NHEJ1: variants seen among roughly 807,000 people sequenced by gnomAD.
NHEJ1 encodes non-homologous end-joining factor 1.
Under a neutral mutation model 39.4 loss-of-function variants are expected in NHEJ1, and 22 were observed. The ratio of observed to expected loss-of-function variants is 0.56; its 90% CI spans 0.40 to 0.80. The LOEUF (loss-of-function observed/expected upper bound fraction) is 0.80. NHEJ1 is among the 30% of genes least tolerant of loss of function. The pLI, the probability that NHEJ1 is intolerant of heterozygous loss-of-function variation, is 0.00. For missense variants in NHEJ1, 329 were observed against 357.1 expected (o/e 0.92, Z 0.63); for synonymous variants, 154 against 135.6 (o/e 1.14, Z -0.94).
chr2:219,114,493 A>G (rs1949392954), intron 5 of NHEJ1, among the ~76,000 whole-genome samples: 1 of 152,204 alleles, frequency 6.6e-6, no homozygotes, highest in African/African-American at 2.4e-5. Context: ...GCACTCCAAC[A>G]TTGAAGATGA....
In NHEJ1 at chr2:219,157,498, G is replaced by A. The variant is rs1214185662; in HGVS notation, c.364C>T (p.His122Tyr). Reference sequence around the variant, plus strand: ...AGGGAAGGACTAGCTAGCATGCAGTGGAAATTCCAATAGAAGGGGAGGCCA... The same window carrying A: ...AGGGAAGGACTAGCTAGCATGCAGTAGAAATTCCAATAGAAGGGGAGGCCA... ...LSGLPFYWNF[H>Y]CMLASPSLVS... Residue 122 changes from histidine (H) to tyrosine (Y), a missense_variant, in exon 3 of 8, where the codon CAC becomes TAC. His to Tyr is a moderately conservative substitution (Grantham distance 83). Transcript: ENST00000356853. The A allele has an allele frequency of 1.2e-6, 2 of 1,613,974 alleles. No individual in the cohort carries two copies. Among genetic ancestry groups the A allele is most frequent in the Non-Finnish European group, 1.7e-6 (2 of 1,180,014 alleles).
At chr2:219,092,280 T>C in intron 5 of NHEJ1, among the ~76,000 whole-genome samples, 1 of 148,280 alleles carries the variant, frequency 6.7e-6, no homozygotes, top group Non-Finnish European at 1.5e-5. Flanking sequence ...AGTGACAGAG[T>C]GAGACACTGC....
intron 5 of NHEJ1, among the ~76,000 whole-genome samples, chr2:219,132,148 T>C (rs1949584815): frequency 6.6e-6 from 1 of 152,270 alleles, no homozygotes; most frequent in African/African-American, 2.4e-5. Flanking sequence ...TATAATTTCC[T>C]TCATTGAGCT....
chr2:219,076,652 G>A (rs541368318), intron 7 of NHEJ1, among the ~76,000 whole-genome samples, 197 bp from the exon 8 acceptor site: 15 of 137,878 alleles, frequency 1.1e-4, no homozygotes, highest in South Asian at 5.1e-4. Flanking sequence ...CGAGCAATCC[G>A]CCTGTCTCAG....
At chr2:219,081,256 T>C (rs774233327) in intron 5 of NHEJ1, among the ~76,000 whole-genome samples, 5 of 152,062 alleles carry the variant, frequency 3.3e-5, no homozygotes, top group African/African-American at 4.8e-5. Flanking sequence ...AGGCAGGAGC[T>C]TGGGAAAGAG....
chr2:219,115,743 G>A (rs1341555027), intron 5 of NHEJ1, among the ~76,000 whole-genome samples: 3 of 152,156 alleles, frequency 2.0e-5, no homozygotes, highest in Non-Finnish European at 4.4e-5. Context: ...ACTCATGTGG[G>A]CTGTCTCCGC....
intron 5 of NHEJ1, among the ~76,000 whole-genome samples, chr2:219,080,628 A>AAT (rs1186944473): frequency 1.4e-5 from 2 of 142,422 alleles, no homozygotes; most frequent in Non-Finnish European, 3.0e-5. Context: ...TATATATGCT[A>AAT]ATATATATAA....
intron 3 of NHEJ1, among the ~76,000 whole-genome samples, chr2:219,152,338 G>T (rs1949804147): frequency 6.6e-6 from 1 of 152,146 alleles, no homozygotes. Flanking sequence ...CAGAATGATA[G>T]GTCTCAATCT....
chr2:219,147,903 T>A, intron 3 of NHEJ1, 108 bp from the exon 4 acceptor site: 1 of 1,158,778 alleles, frequency 8.6e-7, no homozygotes, highest in South Asian at 1.3e-5. Flanking sequence ...TTACAGAAAC[T>A]TATAGTTTCA....
intron 5 of NHEJ1, among the ~76,000 whole-genome samples, chr2:219,091,770 G>C (rs907857111): frequency 6.6e-6 from 1 of 152,108 alleles, no homozygotes. Context: ...TGTTGAAAAA[G>C]CTTCTTTAAA....
At chr2:219,093,029 G>A (rs1949175381) in intron 5 of NHEJ1, among the ~76,000 whole-genome samples, 1 of 152,178 alleles carries the variant, frequency 6.6e-6, no homozygotes, top group African/African-American at 2.4e-5. Context: ...AAACAAAAGT[G>A]CTCACTGAAA....
In NHEJ1 at chr2:219,073,529, C is replaced by T. The variant is rs1448216260; in HGVS notation, c.*2852G>A. 1.3e-5 allele frequency among the ~76,000 whole-genome samples: 2 copies of T among 152,314 alleles called. No individual in the cohort carries two copies. Among genetic ancestry groups the T allele is most frequent in the East Asian group, 3.9e-4 (2 of 5,170 alleles). ...CAAGCAGGGAGCATGCCTGTCCTAG[C>T]TAACTATGGGGGACCAGCCGGCAAG... On this transcript the variant is annotated 3_prime_UTR_variant, in exon 8 of 8. Coordinates refer to ENST00000356853, the MANE Select transcript of NHEJ1 (RefSeq NM_024782.3).
intron 3 of NHEJ1, among the ~76,000 whole-genome samples, chr2:219,156,743 G>A (rs1949858653): frequency 6.6e-6 from 1 of 152,210 alleles, no homozygotes; most frequent in Non-Finnish European, 1.5e-5. Flanking sequence ...AGGATTAAAT[G>A]ATGAGATAAT....
Position 219,159,521 on chromosome 2 carries a change from A to T in NHEJ1, c.1-1159T>A, listed in dbSNP as rs1257094970. On this transcript the variant is annotated intron_variant, in intron 1 of 7. Transcript: ENST00000356853. ...TGACTTGTGACATAACTTTATATAT[A>T]TATGCATATATATATGCATATATAT... is the stretch of plus-strand genomic sequence containing the variant. 4.2e-4 allele frequency among the ~76,000 whole-genome samples: 10 copies of T among 23,990 alleles called. No individual in the cohort carries two copies. The Admixed American group carries it at 4.5e-3, about 11-fold the overall frequency. The allele number at this position is 23,990 out of a possible 152,430, so 15.7% of individuals were successfully genotyped here. A position where few individuals can be genotyped will look rare whatever the true frequency, so the allele number is the denominator to read the frequency against.
intron 5 of NHEJ1, among the ~76,000 whole-genome samples, chr2:219,101,758 G>A (rs1230110166): frequency 1.4e-5 from 2 of 141,342 alleles, no homozygotes; most frequent in African/African-American, 2.7e-5. Flanking sequence ...TTGCTCTGTC[G>A]CCAGGCTGGC....
In NHEJ1 at chr2:219,158,343, C is replaced by A; in HGVS notation, c.20G>T (p.Gly7Val). 1 of 1,614,188 alleles carries A rather than the reference C, an allele frequency of 6.2e-7. No homozygotes were observed. Among genetic ancestry groups the A allele is most frequent in the Non-Finnish European group, 8.5e-7 (1 of 1,180,042 alleles). ...CCACGCCCATGGCTGCATCAACAGG[C>A]CTTGCTCCAGTTCTTCCATCTGCAA... Reference protein sequence around the residue: MEELEQGLLMQPWAWLQ... With the variant: MEELEQVLLMQPWAWLQ... Residue 7 changes from glycine to valine, a missense_variant, in exon 2 of 8, where the codon GGC becomes GTC. Transcript: ENST00000356853.
chr2:219,091,446 G>C (rs996449095), intron 5 of NHEJ1, among the ~76,000 whole-genome samples: 1 of 152,084 alleles, frequency 6.6e-6, no homozygotes, highest in South Asian at 2.1e-4. Context: ...GGTGGAGGGT[G>C]GGGTAGGGCA....
At chr2:219,137,321 A>C (rs1949641059) in intron 5 of NHEJ1, among the ~76,000 whole-genome samples, 1 of 152,092 alleles carries the variant, frequency 6.6e-6, no homozygotes, top group Non-Finnish European at 1.5e-5. Context: ...TAGTCTATCA[A>C]TGGCATCACT....
intron 5 of NHEJ1, among the ~76,000 whole-genome samples, chr2:219,116,577 G>A (rs1389709546): frequency 3.3e-5 from 5 of 152,166 alleles, no homozygotes; most frequent in East Asian, 1.9e-4. Context: ...AGGCTGTCTC[G>A]AACTACTGGG....
Sources: gnomAD v4.1 joint callset for allele counts (sites outside exome capture counted in the v4.1 genomes callset) on GRCh38, gnomAD v4.1.1 for gene constraint, MANE v1.5 for transcripts, NCBI Gene and HGNC (gene_info 2026-07-23, HGNC 2026-07-21) for gene names.